MAP4K1: variants seen among roughly 807,000 people sequenced by gnomAD.
MAP4K1 encodes the protein mitogen-activated protein kinase kinase kinase kinase 1, also known as MAPK/ERK kinase kinase kinase 1.
A neutral mutation model predicts 122.8 loss-of-function variants in MAP4K1; 35 were observed. That is an observed-to-expected ratio of 0.29 (90% CI 0.22 to 0.38). The LOEUF (loss-of-function observed/expected upper bound fraction) is 0.38. Among genes scored for constraint, MAP4K1 ranks in the 10% least tolerant of loss-of-function variants. MAP4K1 has a pLI of 1.00. For synonymous variants in MAP4K1, 412 were observed against 421.3 expected, an observed-to-expected ratio of 0.98 and a Z score of 0.27; for missense variants, 791 against 1,072.6, an observed-to-expected ratio of 0.74 and a Z score of 3.67.
intron 30 of MAP4K1, among the ~76,000 whole-genome samples, chr19:38,588,462 G>C (rs542952411): frequency 6.6e-6 from 1 of 152,018 alleles, no homozygotes; most frequent in South Asian, 2.1e-4. Flanking sequence ...AGGCCAAGGG[G>C]GGCAGATCAC....
At chr19:38,594,777 A>G (rs1330022590) in intron 29 of MAP4K1, among the ~76,000 whole-genome samples, 1 of 151,120 alleles carries the variant, frequency 6.6e-6, no homozygotes, top group Non-Finnish European at 1.5e-5. Flanking sequence ...TGTCTCTACT[A>G]AAAATACAAA....
chr19:38,610,065 G>T, intron 11 of MAP4K1, 40 bp from the exon 12 acceptor site: 1 of 1,436,336 alleles, frequency 7.0e-7, no homozygotes, highest in Non-Finnish European at 9.8e-7. Flanking sequence ...GAGGGATGGT[G>T]TGGACAGAGA....
At chr19:38,595,897 G>T in intron 27 of MAP4K1, 42 bp downstream of exon 27, 1 of 1,603,544 alleles carries the variant, frequency 6.2e-7, no homozygotes, top group Non-Finnish European at 8.5e-7. Flanking sequence ...AGGGACTGCA[G>T]CTGGAGGGGT....
intron 11 of MAP4K1, among the ~76,000 whole-genome samples, chr19:38,610,372 A>ATTTTTTTTTTTTTTTT (rs35103992): frequency 1.3e-5 from 1 of 76,178 alleles, no homozygotes; most frequent in African/African-American, 6.0e-5. Flanking sequence ...CGCCCAGCTA[A>ATTTTTTTTTTTTTTTT]TTTTTTTTTT....
At position 38,609,993 on chromosome 19, in the gene MAP4K1, T is replaced by G; in HGVS notation, c.843A>C (p.Arg281=). The part of the protein sequence containing the change: ...HQLVSQPGLN[R]GLILDLLDKL... ...TGTCAAGAAGATCCAGGATCAGGCC[T>G]CGATTCAGCCCAGGCTGGGATACCA... is the stretch of plus-strand genomic sequence containing the variant. The change falls in exon 12 of 31, where the codon CGA becomes CGC. Residue 281 remains arginine, a synonymous_variant. Coordinates refer to ENST00000396857, the MANE Select transcript of MAP4K1 (RefSeq NM_001042600.3). The G allele has an allele frequency of 1.2e-6, 2 of 1,614,182 alleles. No homozygotes were observed. The highest frequency in any genetic ancestry group is 1.7e-6 in the Non-Finnish European group (2 of 1,180,002).
intron 19 of MAP4K1, among the ~76,000 whole-genome samples, chr19:38,603,735 G>C (rs1408148663): frequency 6.6e-6 from 1 of 152,066 alleles, no homozygotes; most frequent in Non-Finnish European, 1.5e-5. Flanking sequence ...TGTAATGCCA[G>C]CACTTTGGGA....
intron 30 of MAP4K1, among the ~76,000 whole-genome samples, chr19:38,590,447 G>A (rs1322929889): frequency 2.6e-5 from 3 of 115,780 alleles, no homozygotes; most frequent in South Asian, 2.8e-4. Context: ...AATCACGGGC[G>A]TCACTAGGAC....
At chr19:38,603,225 CATAT>C (rs1975200378) in intron 19 of MAP4K1, among the ~76,000 whole-genome samples, 1 of 144,680 alleles carries the variant, frequency 6.9e-6, no homozygotes, top group African/African-American at 2.6e-5. Flanking sequence ...TACACATATA[CATAT>C]ACACATATAT....
intron 26 of MAP4K1, 79 bp from the exon 27 acceptor site, chr19:38,596,080 G>T: frequency 6.9e-7 from 1 of 1,453,310 alleles, no homozygotes; most frequent in Non-Finnish European, 9.6e-7. Flanking sequence ...GCCAGTACCT[G>T]TGCTTTAGCC....
At chr19:38,600,626 C>A (rs1291417445) in intron 20 of MAP4K1, among the ~76,000 whole-genome samples, 1 of 151,890 alleles carries the variant, frequency 6.6e-6, no homozygotes, top group South Asian at 2.1e-4. Flanking sequence ...CTGGCTGCAT[C>A]CTAATCTCTA....
chr19:38,613,895 A>G lies in MAP4K1; in HGVS notation c.518T>C (p.Ile173Thr), dbSNP rs1350414661. 9 of 1,611,438 alleles carry G rather than the reference A, an allele frequency of 5.6e-6. No individual in the cohort carries two copies. The highest frequency in any genetic ancestry group is 1.3e-5 in the African/African-American group (1 of 74,812). Residue 173 changes from isoleucine (I) to threonine (T), a missense_variant, in exon 8 of 31, where the codon ATT becomes ACT. This residue lies in a region of MAP4K1 where 163 missense variants were observed against 286.1 expected (regional missense o/e 0.57). Transcript: ENST00000396857. The part of the protein sequence containing the change: ...GATLARRLSF[I>T]GTPYWMAPEV... ...CGCCACTCACCAGTAGGGTGTCCCA[A>G]TGAAAGAGAGGCGTCTGGCCAGTGT...
chr19:38,590,420 T>C (rs181112560), intron 30 of MAP4K1, among the ~76,000 whole-genome samples: 1 of 103,204 alleles, frequency 9.7e-6, no homozygotes, highest in Non-Finnish European at 1.9e-5. Flanking sequence ...TATATATATA[T>C]ATATATATAT....
intron 11 of MAP4K1, among the ~76,000 whole-genome samples, chr19:38,610,762 A>T (rs1158094514): frequency 6.6e-6 from 1 of 152,120 alleles, no homozygotes; most frequent in Non-Finnish European, 1.5e-5. Flanking sequence ...AGAATTCCAG[A>T]GTTGTCTTGG....
chr19:38,597,544 T>G lies in MAP4K1; in HGVS notation c.1720A>C (p.Lys574Gln). 6.2e-7 allele frequency: 1 copy of G among 1,613,804 alleles called. No homozygotes were observed. The highest frequency in any genetic ancestry group is 8.5e-7 in the Non-Finnish European group (1 of 1,179,910). The change falls in exon 23 of 31, where the codon AAA (lysine) becomes CAA (glutamine). Residue 574 changes from lysine (K) to glutamine (Q), a missense_variant. Lys to Gln is a moderately conservative substitution (Grantham distance 53). Coordinates refer to ENST00000396857, the MANE Select transcript of MAP4K1 (RefSeq NM_001042600.3). This position sits in a 1 kb window ranked among gnomAD's most constrained non-coding sequence, Gnocchi z 4.6. ...SHSILGLLER[K>Q]ETRAGNPIAH... ...ATGGGGTTTCCTGCTCTGGTCTCTTTCCGTTCCAGCAGGCCAAGGATGCTA... is the reference window on the plus strand; with the variant it reads ...ATGGGGTTTCCTGCTCTGGTCTCTTGCCGTTCCAGCAGGCCAAGGATGCTA...
chr19:38,612,868 C>T, intron 8 of MAP4K1, 126 bp from the exon 9 acceptor site: 1 of 1,025,276 alleles, frequency 9.8e-7, no homozygotes, highest in Non-Finnish European at 1.4e-6. Context: ...GACAGAGGGA[C>T]AGGAGTAAAG....
In MAP4K1 at chr19:38,617,384, T is replaced by C. The variant is rs1328095093; in HGVS notation, c.218A>G (p.Asn73Ser). ...ATAACTCCCATGGTAGGCCACGATG[T>C]TGGCGTGCCGGCAAGTTTTCAATAT... ...ILILKTCRHANIVAYHGSYLW... is the reference protein window; with the variant it reads ...ILILKTCRHASIVAYHGSYLW... Residue 73 changes from asparagine to serine, a missense_variant, in exon 3 of 31, where the codon AAC (asparagine) becomes AGC (serine). Coordinates refer to ENST00000396857, the MANE Select transcript of MAP4K1 (RefSeq NM_001042600.3). This position sits in a 1 kb window ranked among gnomAD's most constrained non-coding sequence, Gnocchi z 4.1. 2 of 1,613,754 alleles carry C rather than the reference T, an allele frequency of 1.2e-6. No individual in the cohort carries two copies. Among genetic ancestry groups the C allele is most frequent in the African/African-American group, 2.7e-5 (2 of 74,896 alleles).
At position 38,605,490 on chromosome 19, in the gene MAP4K1, T is replaced by C. The variant is rs1975297669; in HGVS notation, c.1365A>G (p.Glu455=). 3 of 1,584,642 alleles carry C rather than the reference T, an allele frequency of 1.9e-6. No homozygotes were observed. In the East Asian group the frequency reaches 6.8e-5, roughly 36 times the overall value. Residue 455 remains glutamate, a splice_region_variant and synonymous_variant, in exon 19 of 31, where the codon GAA becomes GAG. Transcript: ENST00000396857. ...GGGAGGGTGGGTTCCAGAGTGAGGG[T>C]TCTGAGAGGGGTTAGGAGAAAATCA... ...TSSPHLTAHS[E]PSLWNPPSRE...
At chr19:38,615,147 A>T (rs1216130543) in intron 4 of MAP4K1, among the ~76,000 whole-genome samples, 4 of 148,902 alleles carry the variant, frequency 2.7e-5, no homozygotes, top group African/African-American at 9.9e-5. Context: ...TCCCACTCTG[A>T]GTGGGACCAG....
intron 19 of MAP4K1, among the ~76,000 whole-genome samples, 181 bp downstream of exon 19, chr19:38,605,228 A>G (rs554974837): frequency 2.0e-5 from 3 of 152,064 alleles, no homozygotes; most frequent in East Asian, 3.9e-4. Context: ...CATCTCTGTG[A>G]TATCTTCTTC....
Sources: gnomAD v4.1 joint callset for allele counts (sites outside exome capture counted in the v4.1 genomes callset) on GRCh38, gnomAD v4.1.1 for gene constraint, gnomAD v4.1.1 regional missense constraint, Gnocchi (gnomAD v3.1) non-coding constraint, MANE v1.5 for transcripts, NCBI Gene and HGNC (gene_info 2026-07-23, HGNC 2026-07-21) for gene names.